VPS13B: variants seen among roughly 807,000 people sequenced by gnomAD.
The protein encoded by VPS13B is vacuolar protein sorting 13 homolog B.
VPS13B carries 285 observed loss-of-function variants against 426.4 expected under a neutral mutation model. That is an observed-to-expected ratio of 0.67 (90% CI 0.61 to 0.74). The LOEUF is 0.74. Ranked by LOEUF, VPS13B falls within the 30% of genes least tolerant of loss-of-function variation. The probability of loss-of-function intolerance (pLI) is 0.00; values close to 1 mark genes in which losing one functional copy is unlikely to be tolerated. For synonymous variants in VPS13B, 1,676 were observed against 1,676.4 expected (o/e 1.00, Z 0.01); for missense variants, 4,537 against 4,782.6 (o/e 0.95, Z 1.51).
chr8:99,817,187 A>C (rs1257616963), intron 44 of VPS13B, among the ~76,000 whole-genome samples: 1 of 151,366 alleles, frequency 6.6e-6, no homozygotes, highest in Non-Finnish European at 1.5e-5. Context: ...TCTGGGTTTG[A>C]GCTTCTACCC....
At chr8:99,640,049 G>GAGAAAAGAAAAGAAAAGAAA (rs563436577) in intron 33 of VPS13B, among the ~76,000 whole-genome samples, 4 of 99,722 alleles carry the variant, frequency 4.0e-5, no homozygotes, top group Non-Finnish European at 7.9e-5. Context: ...AGAAGAAGAA[G>GAGAAAAGAAAAGAAAAGAAA]AGAAAAGAAA....
At chr8:99,031,624 G>A (rs982739773) in intron 2 of VPS13B, among the ~76,000 whole-genome samples, 7 of 152,172 alleles carry the variant, frequency 4.6e-5, no homozygotes, top group Non-Finnish European at 1.0e-4. Flanking sequence ...CTCATTGGGT[G>A]CAGTAGTGTA....
At chr8:99,102,186 ACT>A (rs768615623) in intron 4 of VPS13B, among the ~76,000 whole-genome samples, 50 of 152,252 alleles carry the variant, frequency 3.3e-4, no homozygotes, top group Non-Finnish European at 6.2e-4. Context: ...TTCATTAATT[ACT>A]TTTAGTGTTT....
chr8:99,754,130 G>A (rs561153564), intron 39 of VPS13B, among the ~76,000 whole-genome samples: 11 of 118,108 alleles, frequency 9.3e-5, no homozygotes, highest in African/African-American at 3.5e-4. Context: ...AGTTGAAGAT[G>A]TATAGAAGCT....
At chr8:99,067,562 C>T (rs377434796) in intron 3 of VPS13B, among the ~76,000 whole-genome samples, 235 of 152,256 alleles carry the variant, frequency 1.5e-3, no homozygotes, top group African/African-American at 5.2e-3. Context: ...TTAATGGGTG[C>T]AGCAAAACAA....
At chr8:99,335,201 A>AT (rs1810769726) in intron 19 of VPS13B, among the ~76,000 whole-genome samples, 1 of 151,966 alleles carries the variant, frequency 6.6e-6, no homozygotes, top group Admixed American at 6.6e-5. Flanking sequence ...ATCGGTGGTG[A>AT]TATCTCCTTT....
chr8:99,570,470 T>A (rs1395505948), intron 31 of VPS13B, among the ~76,000 whole-genome samples: 1 of 152,128 alleles, frequency 6.6e-6, no homozygotes, highest in Non-Finnish European at 1.5e-5. Flanking sequence ...CCACCTATTA[T>A]GTCTTTAACT....
intron 25 of VPS13B, among the ~76,000 whole-genome samples, chr8:99,486,478 A>G (rs1820317280): frequency 6.6e-6 from 1 of 152,088 alleles, no homozygotes. Context: ...TGCCTCCCAA[A>G]GTGCTGGGAT....
At chr8:99,242,421 A>G (rs1478352476) in intron 17 of VPS13B, among the ~76,000 whole-genome samples, 1 of 152,236 alleles carries the variant, frequency 6.6e-6, no homozygotes, top group Non-Finnish European at 1.5e-5. Flanking sequence ...GTTTATCAGA[A>G]TGGTTATATT....
chr8:99,029,502 G>T (rs1170392286), intron 2 of VPS13B, among the ~76,000 whole-genome samples: 1 of 152,104 alleles, frequency 6.6e-6, no homozygotes, highest in South Asian at 2.1e-4. Context: ...CTGAGTGAAC[G>T]AGACTCCGTC....
At chr8:99,838,269 C>G (rs1465659137) in intron 54 of VPS13B, among the ~76,000 whole-genome samples, 1 of 152,114 alleles carries the variant, frequency 6.6e-6, no homozygotes, top group African/African-American at 2.4e-5. Flanking sequence ...GGTAGCCTGA[C>G]TTTAGGACAA....
intron 39 of VPS13B, among the ~76,000 whole-genome samples, chr8:99,756,925 G>A (rs2130570504): frequency 6.6e-6 from 1 of 152,282 alleles, no homozygotes; most frequent in African/African-American, 2.4e-5. Context: ...CTTACTAAAT[G>A]TGTAATCTTG....
chr8:99,588,596 A>C (rs1826433347), intron 33 of VPS13B, among the ~76,000 whole-genome samples: 1 of 151,548 alleles, frequency 6.6e-6, no homozygotes, highest in Non-Finnish European at 1.5e-5. Context: ...ATGGGAGTTC[A>C]CTCATGATTT....
chr8:99,761,177 C>T (rs1810912656), intron 39 of VPS13B, among the ~76,000 whole-genome samples: 1 of 152,100 alleles, frequency 6.6e-6, no homozygotes, highest in African/African-American at 2.4e-5. Flanking sequence ...TAAAATAGGG[C>T]ACATAAAGGA....
intron 27 of VPS13B, among the ~76,000 whole-genome samples, chr8:99,505,631 A>G (rs1025949310): frequency 6.6e-6 from 1 of 152,182 alleles, no homozygotes; most frequent in Non-Finnish European, 1.5e-5. Flanking sequence ...ATCACTGATC[A>G]CAGATCACCA....
At chr8:99,190,668 G>T (rs1813513826) in intron 16 of VPS13B, among the ~76,000 whole-genome samples, 1 of 151,992 alleles carries the variant, frequency 6.6e-6, no homozygotes, top group Admixed American at 6.5e-5. Context: ...GTTATACTGT[G>T]TCATACATTG....
intron 39 of VPS13B, among the ~76,000 whole-genome samples, chr8:99,754,085 G>GT (rs34681251): frequency 0.046 from 5,544 of 121,080 alleles, 148 homozygotes; most frequent in Non-Finnish European, 0.052. Context: ...TAGTATAAGG[G>GT]TTTTTTTTTT....
intron 20 of VPS13B, among the ~76,000 whole-genome samples, chr8:99,384,934 C>T (rs1196294542): frequency 2.0e-5 from 3 of 152,236 alleles, no homozygotes; most frequent in African/African-American, 7.2e-5. Flanking sequence ...CCACCTCAGC[C>T]TCCCAAAATG....
chr8:99,390,220 C>A (rs1229873810), intron 20 of VPS13B, among the ~76,000 whole-genome samples: 3 of 151,906 alleles, frequency 2.0e-5, no homozygotes, highest in Non-Finnish European at 2.9e-5. Flanking sequence ...GCCTCAGCCT[C>A]CCGAGTAGCT....
Sources: allele counts gnomAD v4.1 joint callset (sites outside exome capture counted in the v4.1 genomes callset), GRCh38; gene constraint gnomAD v4.1.1; transcripts MANE v1.5; gene names NCBI Gene and HGNC (gene_info 2026-07-23, HGNC 2026-07-21).